Variants in MAB21L3 observed in about 807,000 individuals in gnomAD.
MAB21L3 encodes protein mab-21-like 3.
Under a neutral mutation model 37.7 loss-of-function variants are expected in MAB21L3, and 36 were observed. The ratio of observed to expected loss-of-function variants is 0.96; its 90% confidence interval spans 0.73 to 1.26. The LOEUF (loss-of-function observed/expected upper bound fraction) is 1.26, where lower values mean the gene tolerates loss of function less well. Among genes scored for constraint, MAB21L3 ranks in the 50% most tolerant of loss-of-function variants. The pLI, the probability that MAB21L3 is intolerant of heterozygous loss-of-function variation, is 0.00. For missense variants in MAB21L3, 430 were observed against 447.3 expected, an observed-to-expected ratio of 0.96 and a Z score of 0.35; for synonymous variants, 186 against 176.8, an observed-to-expected ratio of 1.05 and a Z score of -0.41.
chr1:116,138,131 A>T lies in MAB21L3; in HGVS notation c.*4766A>T, dbSNP rs532865974. Among the ~76,000 whole-genome samples the T allele has an allele frequency of 9.3e-4, 142 of 152,334 alleles. No homozygotes were observed. Among genetic ancestry groups the T allele is most frequent in the African/African-American group, 3.3e-3 (139 of 41,584 alleles). On this transcript the variant is annotated 3_prime_UTR_variant, in exon 8 of 8. Coordinates refer to ENST00000369500, the MANE Select transcript of MAB21L3 (RefSeq NM_152367.3). ...TAAAACTTAAAGTATGATTAAAAAA[A>T]AAAAGTACTGTAACCAAATGGTGGG... is the stretch of plus-strand genomic sequence containing the variant.
At position 116,131,217 on chromosome 1, in the gene MAB21L3, C is replaced by T. The variant is rs915609218; in HGVS notation, c.856-1915C>T. 2.6e-5 allele frequency among the ~76,000 whole-genome samples: 4 copies of T among 152,172 alleles called. No individual in the cohort carries two copies. The South Asian group carries it at 8.3e-4, about 32-fold the overall frequency. On this transcript the variant is annotated intron_variant, in intron 7 of 7. Coordinates refer to ENST00000369500, the MANE Select transcript of MAB21L3 (RefSeq NM_152367.3). ...AAAACTACTACTGTTGTCGCTGCTT[C>T]TTATGAGAAGTACATGACTAAGAGA...
chr1:116,117,392 C>A (rs1403043893), intron 3 of MAB21L3, among the ~76,000 whole-genome samples: 1 of 152,084 alleles, frequency 6.6e-6, no homozygotes, highest in African/African-American at 2.4e-5. Flanking sequence ...CCTGCTCAGA[C>A]TTCAGGTCCC....
rs547620426 is a variant in MAB21L3 at position 116,116,984 on chromosome 1, T to C, written c.49-3948T>C. Among the ~76,000 whole-genome samples the C allele has an allele frequency of 5.1e-4, 78 of 152,028 alleles. 1 individual carries two copies. Among genetic ancestry groups the C allele is most frequent in the East Asian group, 2.9e-3 (15 of 5,176 alleles). Reference sequence around the variant, plus strand: ...TCAAATGAGGGCACAATTTGTAGAATAGATTTACAATGAAGTACTTTTTCC... The same window carrying C: ...TCAAATGAGGGCACAATTTGTAGAACAGATTTACAATGAAGTACTTTTTCC... On this transcript the variant is annotated intron_variant, in intron 3 of 7. Coordinates refer to ENST00000369500, the MANE Select transcript of MAB21L3 (RefSeq NM_152367.3).
intron 3 of MAB21L3, among the ~76,000 whole-genome samples, chr1:116,117,162 C>CACAT (rs1553230660): frequency 2.6e-5 from 3 of 114,556 alleles, no homozygotes; most frequent in African/African-American, 7.0e-5. Flanking sequence ...AATATACATA[C>CACAT]ATATATATAT....
At chr1:116,123,777 G>C (rs1022825014) in intron 4 of MAB21L3, 8 of 302,580 alleles carry the variant, frequency 2.6e-5, no homozygotes, top group Non-Finnish European at 3.7e-5. Flanking sequence ...TCAAACCTTA[G>C]GTCTCCTCTG....
At chr1:116,120,234 G>A (rs1659703239) in intron 3 of MAB21L3, among the ~76,000 whole-genome samples, 1 of 152,132 alleles carries the variant, frequency 6.6e-6, no homozygotes, top group Non-Finnish European at 1.5e-5. Context: ...GGAGGAACAT[G>A]GAATCTGCTC....
chr1:116,130,873 T>C (rs1261714390), intron 7 of MAB21L3, among the ~76,000 whole-genome samples: 1 of 152,254 alleles, frequency 6.6e-6, no homozygotes, highest in South Asian at 2.1e-4. Context: ...TTTTCTGGTA[T>C]CTAGGTTATC....
At position 116,133,130 on chromosome 1, in the gene MAB21L3, AGACTGTGCTCTTTTG is replaced by A; in HGVS notation, c.858_872del (p.Val287_Thr291del). On this transcript the variant is annotated splice_acceptor_variant and coding_sequence_variant, in exon 8 of 8. Transcript: ENST00000369500. LOFTEE classifies it high-confidence loss of function. ...GTCTGACAGCACTTCTCCCTTCCACAGACTGTGCTCTTTTGGACCTGCGAGAAATATCCCCACTTT... is the reference window on the plus strand; with the variant it reads ...GTCTGACAGCACTTCTCCCTTCCACAGACCTGCGAGAAATATCCCCACTTT... 6.2e-7 allele frequency: 1 copy of A among 1,612,380 alleles called. No individual in the cohort carries two copies. Among genetic ancestry groups the A allele is most frequent in the Non-Finnish European group, 8.5e-7 (1 of 1,178,418 alleles).
intron 7 of MAB21L3, among the ~76,000 whole-genome samples, chr1:116,132,193 C>T (rs1476204112): frequency 6.6e-6 from 1 of 152,132 alleles, no homozygotes; most frequent in Non-Finnish European, 1.5e-5. Context: ...AGAATTAGAG[C>T]TGCTGTGGTG....
intron 3 of MAB21L3, among the ~76,000 whole-genome samples, chr1:116,120,666 C>G (rs561707245): frequency 1.1e-3 from 170 of 152,122 alleles, no homozygotes; most frequent in African/African-American, 4.0e-3. Context: ...TCCCCAGCAC[C>G]CAGCCTGGCA....
intron 7 of MAB21L3, among the ~76,000 whole-genome samples, chr1:116,130,022 T>C (rs898849601): frequency 2.6e-5 from 4 of 152,216 alleles, no homozygotes; most frequent in African/African-American, 9.6e-5. Context: ...TGGATTTAGC[T>C]TCTCTTGCTT....
rs1328247336 is a variant in MAB21L3, at chr1:116,133,241, A to C, written c.965A>C (p.His322Pro). 1.9e-6 allele frequency: 3 copies of C among 1,614,182 alleles called. No homozygotes were observed. In the Admixed American group the frequency reaches 5.0e-5, roughly 27 times the overall value. ...AAACTGCACAAGTGCGTGAGCCAGCACTTCCTGAAACACTATTTCGTCCGG... is the reference window on the plus strand; with the variant it reads ...AAACTGCACAAGTGCGTGAGCCAGCCCTTCCTGAAACACTATTTCGTCCGG... Reference protein sequence around the residue: ...VRKLHKCVSQHFLKHYFVRNS... With the variant: ...VRKLHKCVSQPFLKHYFVRNS... Residue 322 changes from histidine (H) to proline (P), a missense_variant, in exon 8 of 8, where the codon CAC becomes CCC. His to Pro is a moderately conservative substitution (Grantham distance 77). Transcript: ENST00000369500.
intron 7 of MAB21L3, among the ~76,000 whole-genome samples, chr1:116,129,152 T>A (rs1221455520): frequency 1.3e-5 from 2 of 152,136 alleles, no homozygotes; most frequent in Admixed American, 6.5e-5. Context: ...GCGTGTACAA[T>A]CACACAGTGA....
At chr1:116,120,398 ATT>A (rs1659707335) in intron 3 of MAB21L3, among the ~76,000 whole-genome samples, 12 of 93,976 alleles carry the variant, frequency 1.3e-4, no homozygotes, top group African/African-American at 7.4e-4. Context: ...TTGATATTAC[ATT>A]ATACACACAC....
At chr1:116,115,237 C>T (rs563788614) in intron 3 of MAB21L3, among the ~76,000 whole-genome samples, 50 of 152,238 alleles carry the variant, frequency 3.3e-4, no homozygotes, top group South Asian at 1.0e-3. Flanking sequence ...CTTAGTTTCA[C>T]GGTAATGCTG....
rs1261754261 is a variant in MAB21L3, at chr1:116,128,231, G to A, written c.747G>A (p.Leu249=). The change falls in exon 7 of 8, where the codon CTG becomes CTA. Residue 249 remains leucine, a synonymous_variant. Coordinates refer to ENST00000369500, the MANE Select transcript of MAB21L3 (RefSeq NM_152367.3). The part of the protein sequence containing the change: ...LRAEQVLLEQ[L]DEDGGCRRKC... Reference sequence around the variant, plus strand: ...CTGAGCAGGTGTTACTGGAACAGCTGGATGAAGATGGGGGCTGCCGTAGGA... The same window carrying A: ...CTGAGCAGGTGTTACTGGAACAGCTAGATGAAGATGGGGGCTGCCGTAGGA... 6.2e-7 allele frequency: 1 copy of A among 1,614,152 alleles called. No homozygotes were observed. The highest frequency in any genetic ancestry group is 1.1e-5 in the South Asian group (1 of 91,066).
chr1:116,112,034 G>C (rs1446007438), intron 2 of MAB21L3, among the ~76,000 whole-genome samples: 1 of 152,222 alleles, frequency 6.6e-6, no homozygotes, highest in Non-Finnish European at 1.5e-5. Context: ...ATAATGATGG[G>C]TGTCAGGCTG....
Position 116,128,223 on chromosome 1 carries a change from G to C in MAB21L3, c.739G>C (p.Glu247Gln). The stretch of plus-strand genomic sequence containing the variant: ...CCTCCGTGCTGAGCAGGTGTTACTG[G>C]AACAGCTGGATGAAGATGGGGGCTG... ...SFLRAEQVLL[E>Q]QLDEDGGCRR... is the part of the protein sequence containing the mutation. Residue 247 changes from glutamate (E) to glutamine (Q), a missense_variant, in exon 7 of 8, where the codon GAA becomes CAA. Coordinates refer to ENST00000369500, the MANE Select transcript of MAB21L3 (RefSeq NM_152367.3). 1 of 1,614,146 alleles carries C rather than the reference G, an allele frequency of 6.2e-7. No individual in the cohort carries two copies. The highest frequency in any genetic ancestry group is 1.1e-5 in the South Asian group (1 of 91,066).
rs1378206355 is a variant in MAB21L3 at position 116,136,763 on chromosome 1, G to A, written c.*3398G>A. Among the ~76,000 whole-genome samples, 1 of 151,690 alleles carries A rather than the reference G, an allele frequency of 6.6e-6. No individual in the cohort carries two copies. The stretch of plus-strand genomic sequence containing the variant: ...CAGTAACCAAAACAGCATGGTACTG[G>A]TACCAAAACAGGGATATAGATCAAT... On this transcript the variant is annotated 3_prime_UTR_variant, in exon 8 of 8. Coordinates refer to ENST00000369500, the MANE Select transcript of MAB21L3 (RefSeq NM_152367.3).
Sources: allele counts gnomAD v4.1 joint callset (sites outside exome capture counted in the v4.1 genomes callset), GRCh38; gene constraint gnomAD v4.1.1; transcripts MANE v1.5; gene names NCBI Gene and HGNC (gene_info 2026-07-23, HGNC 2026-07-21).